The following DGKB variants were observed in gnomAD, a reference collection of about 807,000 sequenced individuals.
The protein encoded by DGKB is diacylglycerol kinase beta, also known as 90 kDa diacylglycerol kinase.
In DGKB, 67 loss-of-function variants were observed where a neutral mutation model predicts 114.3. The observed-to-expected ratio is 0.59, with a 90% CI of 0.48 to 0.72. DGKB has a LOEUF of 0.72. DGKB is among the 30% of genes least tolerant of loss of function. The pLI, the probability that DGKB is intolerant of heterozygous loss-of-function variation, is 0.00. For synonymous variants in DGKB, 398 were observed against 323.1 expected (o/e 1.23, Z -2.49); for missense variants, 907 against 975.2 (o/e 0.93, Z 0.93).
At chr7:14,899,851 G>C (rs1163540242) in intron 1 of DGKB, among the ~76,000 whole-genome samples, 1 of 152,134 alleles carries the variant, frequency 6.6e-6, no homozygotes, top group African/African-American at 2.4e-5. Flanking sequence ...CCATAGTAGA[G>C]TACCATTTTA....
intron 21 of DGKB, among the ~76,000 whole-genome samples, chr7:14,356,255 G>GT (rs778207212): frequency 7.3e-5 from 11 of 149,904 alleles, no homozygotes; most frequent in Non-Finnish European, 1.3e-4. Flanking sequence ...TTTTTGAGGG[G>GT]TTTTTTGACT....
rs563929463 is a variant in DGKB, at chr7:14,887,358, GGCTTTCTCTTC to G, written c.-188+15223_-188+15233del. On this transcript the variant is annotated intron_variant, in intron 1 of 25. Coordinates refer to ENST00000402815, the MANE Select transcript of DGKB (RefSeq NM_001350709.2). ...GGCAGCAGAGGCAGTGCGTTCTCTT[GGCTTTCTCTTC>G]CTGTTCCTTCTTAATTACTCTGCAG... Among the ~76,000 whole-genome samples the G allele has an allele frequency of 2.2e-3, 338 of 151,780 alleles. 1 individual carries two copies. Among genetic ancestry groups the G allele is most frequent in the African/African-American group, 7.9e-3 (328 of 41,466 alleles).
intron 21 of DGKB, among the ~76,000 whole-genome samples, chr7:14,374,137 A>G (rs1818118960): frequency 6.6e-6 from 1 of 152,074 alleles, no homozygotes; most frequent in Non-Finnish European, 1.5e-5. Flanking sequence ...CCCGAACTGC[A>G]ATCCCCTACT....
At chr7:14,818,336 A>T (rs767702296) in intron 2 of DGKB, among the ~76,000 whole-genome samples, 2 of 152,086 alleles carry the variant, frequency 1.3e-5, no homozygotes, top group Non-Finnish European at 2.9e-5. Context: ...CAGATACTTA[A>T]CTCTGCCTCC....
At chr7:14,196,350 A>G (rs1435870886) in intron 23 of DGKB, among the ~76,000 whole-genome samples, 2 of 152,154 alleles carry the variant, frequency 1.3e-5, no homozygotes, top group Non-Finnish European at 2.9e-5. Context: ...TTTAAAGCTT[A>G]TAAACAGACT....
intron 20 of DGKB, among the ~76,000 whole-genome samples, chr7:14,512,560 T>C (rs1788145256): frequency 2.0e-5 from 3 of 152,160 alleles, no homozygotes; most frequent in Non-Finnish European, 2.9e-5. Flanking sequence ...TTTTCTTTTT[T>C]AATTTTTCTT....
intron 23 of DGKB, among the ~76,000 whole-genome samples, chr7:14,178,644 T>C (rs997929675): frequency 3.9e-5 from 6 of 152,312 alleles, no homozygotes; most frequent in African/African-American, 1.4e-4. Flanking sequence ...CATTAGAAGA[T>C]GGGAGTCCCT....
chr7:14,310,523 G>A (rs1417904485), intron 23 of DGKB, among the ~76,000 whole-genome samples: 1 of 152,128 alleles, frequency 6.6e-6, no homozygotes, highest in African/African-American at 2.4e-5. Context: ...CAAGGATTTT[G>A]ATTAATTTAT....
rs1270636568 is a variant in DGKB, at chr7:14,461,286, CA to C, written c.1835+16874del. Among the ~76,000 whole-genome samples the C allele has an allele frequency of 3.4e-5, 5 of 146,990 alleles. No individual in the cohort carries two copies. The East Asian group carries it at 9.9e-4, about 29-fold the overall frequency. ...TGAAGGAGATAGAGACACACATACA[CA>C]AAAACCCTTCAAAAAATCAATGAAT... On this transcript the variant is annotated intron_variant, in intron 21 of 25. Transcript: ENST00000402815.
At chr7:14,613,846 C>T (rs542015374) in intron 15 of DGKB, among the ~76,000 whole-genome samples, 2 of 152,128 alleles carry the variant, frequency 1.3e-5, no homozygotes, top group Admixed American at 6.6e-5. Flanking sequence ...TTGAGAGTTT[C>T]GAGGCATGTG....
At chr7:14,922,384 G>GTGTGTGTA (rs1554345690) in intron 1 of DGKB, among the ~76,000 whole-genome samples, 1 of 146,866 alleles carries the variant, frequency 6.8e-6, no homozygotes, top group Non-Finnish European at 1.5e-5. Context: ...TCGTGTGTGT[G>GTGTGTGTA]TGTGTGTGTG....
chr7:14,271,364 A>G (rs2128433315), intron 23 of DGKB, among the ~76,000 whole-genome samples: 1 of 152,324 alleles, frequency 6.6e-6, no homozygotes, highest in South Asian at 2.1e-4. Context: ...TGAGATGATT[A>G]GACCAAAGCA....
intron 23 of DGKB, among the ~76,000 whole-genome samples, chr7:14,275,926 T>G (rs1562810415): frequency 6.6e-6 from 1 of 152,200 alleles, no homozygotes. Flanking sequence ...TCTTATCTAA[T>G]TCATAGAGTA....
intron 6 of DGKB, among the ~76,000 whole-genome samples, chr7:14,716,746 G>A (rs1273183037): frequency 6.6e-6 from 1 of 151,998 alleles, no homozygotes; most frequent in Non-Finnish European, 1.5e-5. Flanking sequence ...CCAGGCATTG[G>A]CATTAAAAAA....
In DGKB at chr7:14,259,417, A is replaced by C. The variant is rs539189858; in HGVS notation, c.2122+79098T>G. ...TCTCTCTCTCTCTCTCTATATATAT[A>C]TATATATATATGGTTTTGTTTTGTT... On this transcript the variant is annotated intron_variant, in intron 23 of 25. Transcript: ENST00000402815. 4.0e-3 allele frequency among the ~76,000 whole-genome samples: 598 copies of C among 148,508 alleles called. 1 individual carries two copies. Among genetic ancestry groups the C allele is most frequent in the Middle Eastern group, 0.017 (5 of 290 alleles).
chr7:14,645,524 C>T (rs10227079), intron 13 of DGKB, among the ~76,000 whole-genome samples: 3,321 of 151,818 alleles, frequency 0.022, 112 homozygotes, highest in African/African-American at 0.076. Flanking sequence ...ACTGTGGAAG[C>T]GAAAAAGCCA....
Position 14,149,039 on chromosome 7 carries a change from C to T in DGKB, c.*92G>A. Reference sequence around the variant, plus strand: ...AACCACTTCCATGATTTTGCATGAGCAGGAGACTTGAAATGGTTCAAAGAT... The same window carrying T: ...AACCACTTCCATGATTTTGCATGAGTAGGAGACTTGAAATGGTTCAAAGAT... On this transcript the variant is annotated 3_prime_UTR_variant, in exon 26 of 26. Transcript: ENST00000402815. 1 of 1,098,334 alleles carries T rather than the reference C, an allele frequency of 9.1e-7. No homozygotes were observed. Among genetic ancestry groups the T allele is most frequent in the Non-Finnish European group, 1.4e-6 (1 of 717,586 alleles). The allele number at this position is 1,098,334 out of a possible 1,614,324, so 68.0% of individuals were successfully genotyped here. A position where few individuals can be genotyped will look rare whatever the true frequency, so the allele number is the denominator to read the frequency against.
chr7:14,925,670 T>C (rs1286808542), intron 1 of DGKB, among the ~76,000 whole-genome samples: 1 of 152,186 alleles, frequency 6.6e-6, no homozygotes, highest in Non-Finnish European at 1.5e-5. Context: ...GTAAATCGTA[T>C]TGTGTTTTTA....
intron 1 of DGKB, among the ~76,000 whole-genome samples, chr7:14,934,831 G>C (rs1785195719): frequency 6.6e-6 from 1 of 152,126 alleles, no homozygotes; most frequent in Admixed American, 6.6e-5. Flanking sequence ...TTATTGATCT[G>C]TCCTTTGACA....
Sources: gnomAD v4.1 joint callset for allele counts (sites outside exome capture counted in the v4.1 genomes callset) on GRCh38, gnomAD v4.1.1 for gene constraint, MANE v1.5 for transcripts, NCBI Gene and HGNC (gene_info 2026-07-23, HGNC 2026-07-21) for gene names.